Variants in USH2A observed in about 807,000 individuals in gnomAD.
USH2A encodes the protein usherin.
A neutral mutation model predicts 538.9 loss-of-function variants in USH2A; 443 were observed. That is an observed-to-expected ratio of 0.82 (90% CI 0.76 to 0.89). The LOEUF (loss-of-function observed/expected upper bound fraction) is 0.89. Ranked by LOEUF, USH2A falls within the 40% of genes least tolerant of loss-of-function variation. USH2A has a pLI of 0.00. For missense variants in USH2A, 6,633 were observed against 6,324.8 expected (o/e 1.05, Z -1.65); for synonymous variants, 2,413 against 2,273.5 (o/e 1.06, Z -1.75).
chr1:216,039,888 T>C (rs2030188742), intron 32 of USH2A, among the ~76,000 whole-genome samples: 1 of 151,980 alleles, frequency 6.6e-6, no homozygotes, highest in Non-Finnish European at 1.5e-5. Flanking sequence ...TCTTTGACCT[T>C]GGCAAATAAG....
chr1:215,789,687 G>A (rs866665591), intron 51 of USH2A, among the ~76,000 whole-genome samples: 4 of 152,118 alleles, frequency 2.6e-5, no homozygotes, highest in East Asian at 1.9e-4. Flanking sequence ...GATGGCTGGC[G>A]GGCTAGGGAG....
intron 21 of USH2A, among the ~76,000 whole-genome samples, chr1:216,153,252 G>A (rs997784560): frequency 2.4e-4 from 37 of 152,290 alleles, no homozygotes; most frequent in Middle Eastern, 3.4e-3. Flanking sequence ...TATGTGGATG[G>A]CACAGCTAAA....
intron 49 of USH2A, among the ~76,000 whole-genome samples, chr1:215,807,848 C>T (rs1662546375): frequency 6.6e-6 from 1 of 152,028 alleles, no homozygotes; most frequent in Non-Finnish European, 1.5e-5. Flanking sequence ...GGCCTGTTAG[C>T]CCTCTTTACT....
intron 67 of USH2A, among the ~76,000 whole-genome samples, chr1:215,647,283 AT>A (rs1558036334): frequency 6.6e-6 from 1 of 152,064 alleles, no homozygotes; most frequent in Non-Finnish European, 1.5e-5. Context: ...CTTCCCCTAA[AT>A]TTATTTTTAC....
intron 4 of USH2A, among the ~76,000 whole-genome samples, chr1:216,345,225 G>A (rs945510081): frequency 5.3e-5 from 8 of 151,966 alleles, no homozygotes; most frequent in Non-Finnish European, 1.2e-4. Flanking sequence ...CTTGCCCAGA[G>A]ACCACATGTT....
At chr1:215,881,535 A>T (rs1372603682) in intron 41 of USH2A, among the ~76,000 whole-genome samples, 2 of 152,214 alleles carry the variant, frequency 1.3e-5, no homozygotes, top group Non-Finnish European at 2.9e-5. Flanking sequence ...TGTGGTCAAA[A>T]TATATGAGAT....
At chr1:215,830,377 G>C (rs1003498870) in intron 47 of USH2A, among the ~76,000 whole-genome samples, 3 of 152,152 alleles carry the variant, frequency 2.0e-5, no homozygotes, top group African/African-American at 4.8e-5. Flanking sequence ...CCCCAACGGG[G>C]GGAAAAATCT....
intron 71 of USH2A, among the ~76,000 whole-genome samples, chr1:215,627,014 G>A (rs1656049663): frequency 6.6e-6 from 1 of 152,132 alleles, no homozygotes; most frequent in Admixed American, 6.5e-5. Context: ...TGTAGTTGAG[G>A]TTACAACAAC....
intron 48 of USH2A, among the ~76,000 whole-genome samples, chr1:215,814,211 T>A (rs1662792862): frequency 6.8e-6 from 1 of 146,600 alleles, no homozygotes; most frequent in African/African-American, 2.4e-5. Flanking sequence ...ATATAAAATT[T>A]TAATTTTATA....
intron 43 of USH2A, among the ~76,000 whole-genome samples, chr1:215,874,323 G>A (rs1188720400): frequency 1.3e-5 from 2 of 152,110 alleles, no homozygotes; most frequent in Non-Finnish European, 2.9e-5. Context: ...TACGGAATTC[G>A]TGTCTACACA....
At chr1:215,920,652 A>C (rs1240010348) in intron 38 of USH2A, among the ~76,000 whole-genome samples, 1 of 152,010 alleles carries the variant, frequency 6.6e-6, no homozygotes, top group Non-Finnish European at 1.5e-5. Flanking sequence ...TCTCAAGGTC[A>C]CACAATCAGG....
chr1:216,261,949 A>T (rs2036381667), intron 11 of USH2A, among the ~76,000 whole-genome samples: 1 of 152,190 alleles, frequency 6.6e-6, no homozygotes, highest in Non-Finnish European at 1.5e-5. Flanking sequence ...AAGCATTCAC[A>T]AACATTACTG....
In USH2A at chr1:215,879,250, G is replaced by A. The variant is rs1004112890; in HGVS notation, c.8224-152C>T. 4.2e-6 allele frequency: 3 copies of A among 708,004 alleles called. No individual in the cohort carries two copies. The Admixed American group carries it at 6.3e-5, about 15-fold the overall frequency. 43.9% of individuals were successfully genotyped at this position (708,004 alleles called of 1,614,324 possible). A position where few individuals can be genotyped will look rare whatever the true frequency, so the allele number is the denominator to read the frequency against. Reference sequence around the variant, plus strand: ...GGCCTTTGGACTAGACAGTAATGAAGGGTTTGAGATCAATTAGCAGTACTC... The same window carrying A: ...GGCCTTTGGACTAGACAGTAATGAAAGGTTTGAGATCAATTAGCAGTACTC... On this transcript the variant is annotated intron_variant, in intron 41 of 71. Coordinates refer to ENST00000307340, the MANE Select transcript of USH2A (RefSeq NM_206933.4).
intron 45 of USH2A, 95 bp downstream of exon 45, chr1:215,845,729 T>C: frequency 7.1e-7 from 1 of 1,402,732 alleles, no homozygotes; most frequent in Non-Finnish European, 9.9e-7. Flanking sequence ...CACCGGAAAT[T>C]TTATAATGGA....
intron 9 of USH2A, among the ~76,000 whole-genome samples, chr1:216,304,255 G>C (rs116276774): frequency 0.018 from 2,806 of 152,046 alleles, 35 homozygotes; most frequent in Non-Finnish European, 0.026. Context: ...GTAGATGCCA[G>C]ATCTCTATGT....
chr1:216,411,133 C>T (rs1323684962), intron 3 of USH2A, among the ~76,000 whole-genome samples: 1 of 152,122 alleles, frequency 6.6e-6, no homozygotes, highest in African/African-American at 2.4e-5. Context: ...CACATAGCCT[C>T]TTCCTACTGT....
intron 13 of USH2A, among the ~76,000 whole-genome samples, chr1:216,235,061 A>G (rs183146964): frequency 6.6e-6 from 1 of 152,300 alleles, no homozygotes; most frequent in East Asian, 1.9e-4. Context: ...AGGATGACTC[A>G]GGTAACTTCC....
intron 32 of USH2A, among the ~76,000 whole-genome samples, chr1:216,016,665 G>C (rs1461662195): frequency 6.6e-6 from 1 of 152,144 alleles, no homozygotes. Flanking sequence ...TAAGCGCTTT[G>C]AGAACAAGGA....
chr1:216,116,186 T>G (rs2033004564), intron 21 of USH2A, among the ~76,000 whole-genome samples: 1 of 152,068 alleles, frequency 6.6e-6, no homozygotes, highest in Non-Finnish European at 1.5e-5. Context: ...TCCAGGTGCA[T>G]GCATAGATAC....
Sources: allele counts gnomAD v4.1 joint callset (sites outside exome capture counted in the v4.1 genomes callset), GRCh38; gene constraint gnomAD v4.1.1; transcripts MANE v1.5; gene names NCBI Gene and HGNC (gene_info 2026-07-23, HGNC 2026-07-21).